KCNH7: variants seen among roughly 807,000 people sequenced by gnomAD.
KCNH7 encodes voltage-gated inwardly rectifying potassium channel KCNH7.
A neutral mutation model predicts 120.8 loss-of-function variants in KCNH7; 49 were observed. The ratio of observed to expected loss-of-function variants is 0.41; its 90% CI spans 0.32 to 0.51. The LOEUF is 0.51. Ranked by LOEUF, KCNH7 falls within the 20% of genes least tolerant of loss-of-function variation. KCNH7 has a pLI of 0.38. For missense variants in KCNH7, 1,097 were observed against 1,446.6 expected (o/e 0.76, Z 3.92); for synonymous variants, 547 against 516.1 (o/e 1.06, Z -0.81).
chr2:162,634,227 A>T (rs1683866387), intron 2 of KCNH7, among the ~76,000 whole-genome samples: 1 of 152,046 alleles, frequency 6.6e-6, no homozygotes, highest in Admixed American at 6.6e-5. Context: ...TTAAAGCACT[A>T]TTAAATACTA....
intron 9 of KCNH7, among the ~76,000 whole-genome samples, chr2:162,410,410 C>T (rs1314707109): frequency 6.6e-6 from 1 of 151,938 alleles, no homozygotes; most frequent in East Asian, 1.9e-4. Flanking sequence ...TATGTTTTTC[C>T]ATCAACAAAA....
chr2:162,780,559 C>T (rs644764), intron 2 of KCNH7, among the ~76,000 whole-genome samples: 7 of 151,932 alleles, frequency 4.6e-5, no homozygotes, highest in African/African-American at 9.7e-5. Flanking sequence ...CAGTGCCCTA[C>T]GTTTTGTGAC....
rs577366616 is a variant in KCNH7, at chr2:162,706,204, C to T, written c.307+130333G>A. Among the ~76,000 whole-genome samples, 4 of 152,200 alleles carry T rather than the reference C, an allele frequency of 2.6e-5. 1 individual carries two copies. The highest frequency in any genetic ancestry group is 9.6e-5 in the African/African-American group (4 of 41,548). ...CAACCTAGTAAACCTTGGAGACTTA[C>T]TTAAAGTTCCCCCTTTTAACCTACA... On this transcript the variant is annotated intron_variant, in intron 2 of 15. Coordinates refer to ENST00000332142, the MANE Select transcript of KCNH7 (RefSeq NM_033272.4).
intron 2 of KCNH7, among the ~76,000 whole-genome samples, chr2:162,543,659 T>G (rs1004133946): frequency 6.6e-6 from 1 of 152,102 alleles, no homozygotes; most frequent in Non-Finnish European, 1.5e-5. Flanking sequence ...GTGTAGCCCC[T>G]AGAATTGGAC....
intron 2 of KCNH7, among the ~76,000 whole-genome samples, chr2:162,607,710 A>G (rs1367599509): frequency 6.6e-6 from 1 of 152,140 alleles, no homozygotes; most frequent in African/African-American, 2.4e-5. Context: ...ATATTTCAAT[A>G]ACAATTGCAT....
chr2:162,582,176 C>T (rs1693892484), intron 2 of KCNH7, among the ~76,000 whole-genome samples: 1 of 152,060 alleles, frequency 6.6e-6, no homozygotes, highest in Non-Finnish European at 1.5e-5. Flanking sequence ...GGATGTAAGA[C>T]TCCATTTGGA....
intron 2 of KCNH7, among the ~76,000 whole-genome samples, chr2:162,675,714 T>C (rs978302021): frequency 5.9e-5 from 9 of 151,514 alleles, no homozygotes; most frequent in African/African-American, 2.2e-4. Context: ...TTTTAAAAAA[T>C]GAGAATTATT....
At chr2:162,459,955 G>T (rs146451279) in intron 6 of KCNH7, among the ~76,000 whole-genome samples, 1 of 151,930 alleles carries the variant, frequency 6.6e-6, no homozygotes, top group Non-Finnish European at 1.5e-5. Flanking sequence ...TTAGCTGGGC[G>T]TGGTGGCGCA....
chr2:162,448,318 A>G (rs1000144879), intron 6 of KCNH7, among the ~76,000 whole-genome samples: 1 of 152,082 alleles, frequency 6.6e-6, no homozygotes, highest in Non-Finnish European at 1.5e-5. Context: ...GAAAAGCAGA[A>G]CTACTCAGTA....
At chr2:162,377,264 CAA>C (rs553339964) in intron 14 of KCNH7, among the ~76,000 whole-genome samples, 24 of 114,876 alleles carry the variant, frequency 2.1e-4, no homozygotes, top group South Asian at 2.8e-4. Context: ...CCCAAACGAG[CAA>C]AAAAAAAAAA....
intron 2 of KCNH7, among the ~76,000 whole-genome samples, chr2:162,780,843 G>A (rs1468932180): frequency 5.3e-5 from 8 of 152,076 alleles, no homozygotes; most frequent in Admixed American, 5.2e-4. Flanking sequence ...AAAGTATACT[G>A]TTTAGAGTAT....
At chr2:162,513,834 G>A (rs1178557309) in intron 4 of KCNH7, among the ~76,000 whole-genome samples, 2 of 151,658 alleles carry the variant, frequency 1.3e-5, no homozygotes, top group Admixed American at 6.6e-5. Context: ...TTTTGTTAAT[G>A]TTGTCACAAT....
intron 2 of KCNH7, among the ~76,000 whole-genome samples, chr2:162,613,255 A>C (rs1683028706): frequency 6.6e-6 from 1 of 152,058 alleles, no homozygotes; most frequent in Admixed American, 6.5e-5. Flanking sequence ...TTTCTCCAAA[A>C]GACTATAATT....
chr2:162,478,240 A>G (rs1215687612), intron 6 of KCNH7, among the ~76,000 whole-genome samples: 1 of 152,130 alleles, frequency 6.6e-6, no homozygotes, highest in African/African-American at 2.4e-5. Flanking sequence ...TCCTGCAAGA[A>G]GCTATGTCCA....
At chr2:162,833,445 C>T (rs1399251272) in intron 2 of KCNH7, among the ~76,000 whole-genome samples, 1 of 152,066 alleles carries the variant, frequency 6.6e-6, no homozygotes, top group Non-Finnish European at 1.5e-5. Context: ...TAAGTCATAG[C>T]ATAATTATAG....
intron 2 of KCNH7, among the ~76,000 whole-genome samples, chr2:162,715,917 T>C (rs1172785060): frequency 6.6e-6 from 1 of 151,516 alleles, no homozygotes; most frequent in Non-Finnish European, 1.5e-5. Context: ...ATGTTTACAG[T>C]ATAGATCTTT....
chr2:162,802,658 T>A (rs1170686282), intron 2 of KCNH7, among the ~76,000 whole-genome samples: 1 of 151,782 alleles, frequency 6.6e-6, no homozygotes, highest in Non-Finnish European at 1.5e-5. Flanking sequence ...ATATATTTTA[T>A]CTAATCCAAT....
At chr2:162,648,003 A>C (rs1684427778) in intron 2 of KCNH7, among the ~76,000 whole-genome samples, 1 of 152,164 alleles carries the variant, frequency 6.6e-6, no homozygotes, top group African/African-American at 2.4e-5. Flanking sequence ...AATTCTGCAT[A>C]ATATTGGTTC....
At chr2:162,830,460 G>C (rs1685439521) in intron 2 of KCNH7, among the ~76,000 whole-genome samples, 1 of 152,048 alleles carries the variant, frequency 6.6e-6, no homozygotes, top group Non-Finnish European at 1.5e-5. Context: ...CACTCAATAA[G>C]CCTAACAACA....
Sources: allele counts gnomAD v4.1 joint callset (sites outside exome capture counted in the v4.1 genomes callset), GRCh38; gene constraint gnomAD v4.1.1; transcripts MANE v1.5; gene names NCBI Gene and HGNC (gene_info 2026-07-23, HGNC 2026-07-21).